ALG9: variants seen among roughly 807,000 people sequenced by gnomAD.
The protein encoded by ALG9 is ALG9 alpha-1,2-mannosyltransferase, also known as alpha-1,2-mannosyltransferase ALG9.
A neutral mutation model predicts 81.8 loss-of-function variants in ALG9; 55 were observed. The observed-to-expected ratio is 0.67, with a 90% CI of 0.54 to 0.84. ALG9 has a LOEUF of 0.84. Among genes scored for constraint, ALG9 ranks in the 40% least tolerant of loss-of-function variants. The pLI is 0.00. For missense variants in ALG9, 629 were observed against 745.0 expected, an observed-to-expected ratio of 0.84 and a Z score of 1.81; for synonymous variants, 278 against 274.3, an observed-to-expected ratio of 1.01 and a Z score of -0.13.
chr11:111,809,467 T>C (rs1591952418), intron 14 of ALG9, among the ~76,000 whole-genome samples, 176 bp downstream of exon 14: 1 of 151,252 alleles, frequency 6.6e-6, no homozygotes, highest in South Asian at 2.1e-4. Context: ...GAGTCAGAGG[T>C]TGTGGGGAGT....
At chr11:111,823,674 G>A (rs550545141) in intron 13 of ALG9, among the ~76,000 whole-genome samples, 1 of 152,260 alleles carries the variant, frequency 6.6e-6, no homozygotes, top group African/African-American at 2.4e-5. Flanking sequence ...AAGAGCTTTA[G>A]CAATATAAAA....
At chr11:111,834,911 A>G (rs1023086119) in intron 13 of ALG9, among the ~76,000 whole-genome samples, 3 of 152,192 alleles carry the variant, frequency 2.0e-5, no homozygotes, top group Non-Finnish European at 4.4e-5. Context: ...AATACAATCC[A>G]TGTGGCAGAA....
chr11:111,840,631 G>A, intron 10 of ALG9, 24 bp downstream of exon 10: 1 of 1,613,756 alleles, frequency 6.2e-7, no homozygotes, highest in Non-Finnish European at 8.5e-7. Context: ...GAATGAGGCA[G>A]ATACACTTCT....
chr11:111,853,593 A>G (rs1958172791), intron 7 of ALG9, 56 bp downstream of exon 7: 4 of 1,584,354 alleles, frequency 2.5e-6, no homozygotes, highest in Non-Finnish European at 2.6e-6. Context: ...CTTTTTTCAC[A>G]TCAAAGTTGC....
intron 2 of ALG9, among the ~76,000 whole-genome samples, chr11:111,869,214 C>T (rs1295621170): frequency 6.6e-6 from 1 of 152,146 alleles, no homozygotes; most frequent in Admixed American, 6.5e-5. Flanking sequence ...TTAAATTTTA[C>T]CTTCTACTTA....
In ALG9 at chr11:111,853,680, T is replaced by C. The variant is rs1385985804; in HGVS notation, c.758A>G (p.His253Arg). 10 of 1,613,938 alleles carry C rather than the reference T, an allele frequency of 6.2e-6. No individual in the cohort carries two copies. The African/African-American group carries it at 8.0e-5, about 13-fold the overall frequency. Residue 253 changes from histidine (H) to arginine (R), a missense_variant, in exon 7 of 15, where the codon CAT becomes CGT. Coordinates refer to ENST00000616540, the MANE Select transcript of ALG9 (RefSeq NM_024740.2). ...VMKHRWKSFF[H>R]WSLMALILFL... Reference sequence around the variant, plus strand: ...TAGTATGAGGGCCATCAGCGACCAATGAAAGAAACTCTTCCACCTGTGTTT... The same window carrying C: ...TAGTATGAGGGCCATCAGCGACCAACGAAAGAAACTCTTCCACCTGTGTTT...
chr11:111,853,900 G>A (rs1555141330), intron 6 of ALG9, among the ~76,000 whole-genome samples, 164 bp from the exon 7 acceptor site: 1 of 152,122 alleles, frequency 6.6e-6, no homozygotes, highest in African/African-American at 2.4e-5. Flanking sequence ...CTGTCAGAGT[G>A]CTCTGTATCC....
At chr11:111,792,088 G>GA (rs1298972101) in intron 14 of ALG9, among the ~76,000 whole-genome samples, 24 of 151,338 alleles carry the variant, frequency 1.6e-4, no homozygotes, top group African/African-American at 3.6e-4. Flanking sequence ...GTCTCAGGAA[G>GA]AAAAAAAAAC....
downstream of ALG9, among the ~76,000 whole-genome samples, chr11:111,781,128 C>T (rs1555056752): frequency 6.6e-6 from 1 of 152,160 alleles, no homozygotes; most frequent in African/African-American, 2.4e-5. Context: ...CCTGGAATTA[C>T]ACTAATAAAA....
chr11:111,806,231 T>C (rs1328248639), intron 14 of ALG9, among the ~76,000 whole-genome samples: 2 of 152,182 alleles, frequency 1.3e-5, no homozygotes, highest in Non-Finnish European at 1.5e-5. Context: ...CCACCAGATA[T>C]AGCCCTATTT....
chr11:111,865,288 GAT>G (rs1961974039), intron 3 of ALG9, 37 bp from the exon 4 acceptor site: 1 of 1,486,106 alleles, frequency 6.7e-7, no homozygotes, highest in Non-Finnish European at 9.1e-7. Flanking sequence ...AGAAGTCACA[GAT>G]ATGAGCTAGA....
At position 111,853,704 on chromosome 11, in the gene ALG9, T is replaced by C. The variant is rs781844869; in HGVS notation, c.734A>G (p.Lys245Arg). 5 of 1,614,034 alleles carry C rather than the reference T, an allele frequency of 3.1e-6. No homozygotes were observed. In the South Asian group the frequency reaches 4.4e-5, roughly 14 times the overall value. Residue 245 changes from lysine (K) to arginine (R), a missense_variant, in exon 7 of 15, where the codon AAA becomes AGA. Around this residue, in one of 3 missense-constraint regions of ALG9, gnomAD observed 344 missense variants for 390.5 expected, o/e 0.88. Coordinates refer to ENST00000616540, the MANE Select transcript of ALG9 (RefSeq NM_024740.2). The part of the protein sequence containing the change: ...LPIAFDLLVM[K>R]HRWKSFFHWS... ...ATGAAAGAAACTCTTCCACCTGTGT[T>C]TCATGACCAGCAAATCAAAGGCAAT...
intron 9 of ALG9, among the ~76,000 whole-genome samples, chr11:111,843,411 T>A (rs1214501618): frequency 6.6e-6 from 1 of 152,196 alleles, no homozygotes; most frequent in Non-Finnish European, 1.5e-5. Flanking sequence ...TTAGATGATA[T>A]TAAGAAATTA....
At chr11:111,809,618 A>G (rs782179042) in intron 14 of ALG9, 25 bp downstream of exon 14, 1 of 1,613,734 alleles carries the variant, frequency 6.2e-7, no homozygotes, top group South Asian at 1.1e-5. Flanking sequence ...GTCCTGGAAT[A>G]TCCCATAGGA....
intron 14 of ALG9, among the ~76,000 whole-genome samples, chr11:111,802,796 G>C (rs920289490): frequency 3.9e-5 from 6 of 152,146 alleles, no homozygotes; most frequent in Non-Finnish European, 5.9e-5. Flanking sequence ...ACGGATTCTG[G>C]ATCCTGTCTT....
chr11:111,852,942 C>CCAAA (rs1958058513), intron 8 of ALG9, among the ~76,000 whole-genome samples: 1 of 106,186 alleles, frequency 9.4e-6, no homozygotes, highest in Non-Finnish European at 2.0e-5. Flanking sequence ...AACTCCACCT[C>CCAAA]AAAAAAAAAA....
chr11:111,789,703 C>T (rs996532518), intron 14 of ALG9, among the ~76,000 whole-genome samples: 66 of 151,412 alleles, frequency 4.4e-4, no homozygotes, highest in African/African-American at 1.5e-3. Context: ...GCCTGTAATC[C>T]CAGCTACTCG....
chr11:111,868,958 CA>C (rs369189799), intron 2 of ALG9, among the ~76,000 whole-genome samples: 492 of 139,132 alleles, frequency 3.5e-3, no homozygotes, highest in Middle Eastern at 3.8e-3. Flanking sequence ...CCATCTCTAC[CA>C]AAAAAAAAAA....
intron 6 of ALG9, among the ~76,000 whole-genome samples, chr11:111,856,845 G>A (rs1958773559): frequency 6.6e-6 from 1 of 152,170 alleles, no homozygotes; most frequent in Non-Finnish European, 1.5e-5. Context: ...AGTGGCTCAT[G>A]CCTGTAATCC....
Sources: gnomAD v4.1 joint callset for allele counts (sites outside exome capture counted in the v4.1 genomes callset) on GRCh38, gnomAD v4.1.1 for gene constraint, gnomAD v4.1.1 regional missense constraint, MANE v1.5 for transcripts, NCBI Gene and HGNC (gene_info 2026-07-23, HGNC 2026-07-21) for gene names.